Variants in KCNH5 observed in about 807,000 individuals in gnomAD.
The protein encoded by KCNH5 is voltage-gated delayed rectifier potassium channel KCNH5.
KCNH5 carries 46 observed loss-of-function variants against 96.1 expected under a neutral mutation model. The observed-to-expected ratio is 0.48, with a 90% confidence interval of 0.38 to 0.61. The LOEUF (loss-of-function observed/expected upper bound fraction) is 0.61, where lower values mean the gene tolerates loss of function less well. KCNH5 is among the 20% of genes least tolerant of loss of function. The pLI is 0.00. For missense variants in KCNH5, 907 were observed against 1,225.8 expected, an observed-to-expected ratio of 0.74 and a Z score of 3.88; for synonymous variants, 439 against 449.8, an observed-to-expected ratio of 0.98 and a Z score of 0.30.
intron 7 of KCNH5, among the ~76,000 whole-genome samples, chr14:62,895,813 A>G (rs556579612): frequency 1.3e-5 from 2 of 152,326 alleles, no homozygotes; most frequent in African/African-American, 4.8e-5. Context: ...CATATTTTGT[A>G]AAGGTTCATC....
At chr14:62,717,400 C>T (rs1017990695) in intron 10 of KCNH5, among the ~76,000 whole-genome samples, 9 of 152,098 alleles carry the variant, frequency 5.9e-5, no homozygotes, top group Admixed American at 6.6e-5. Context: ...AACAAAACTA[C>T]AGTAATTAAA....
In KCNH5 at chr14:63,030,384, C is replaced by G. The variant is rs969787847; in HGVS notation, c.74-13430G>C. Among the ~76,000 whole-genome samples, 3 of 152,198 alleles carry G rather than the reference C, an allele frequency of 2.0e-5. No homozygotes were observed. In the East Asian group the frequency reaches 5.8e-4, roughly 29 times the overall value. ...ACAAGGGGCTAAGACTTGAAAACAACTCATTATATTCATTCAAGACTATGC... is the reference window on the plus strand; with the variant it reads ...ACAAGGGGCTAAGACTTGAAAACAAGTCATTATATTCATTCAAGACTATGC... On this transcript the variant is annotated intron_variant, in intron 1 of 10. Coordinates refer to ENST00000322893, the MANE Select transcript of KCNH5 (RefSeq NM_139318.5).
chr14:62,760,478 C>A (rs1885724165), intron 10 of KCNH5, among the ~76,000 whole-genome samples: 1 of 152,170 alleles, frequency 6.6e-6, no homozygotes, highest in South Asian at 2.1e-4. Flanking sequence ...GCAATTTTAG[C>A]TTTTACTTGC....
intron 8 of KCNH5, among the ~76,000 whole-genome samples, chr14:62,835,555 T>G (rs1887448092): frequency 6.6e-6 from 1 of 152,040 alleles, no homozygotes; most frequent in African/African-American, 2.4e-5. Flanking sequence ...TGTAATATCA[T>G]AGCCTTTTAA....
intron 8 of KCNH5, among the ~76,000 whole-genome samples, chr14:62,825,277 C>T (rs902362975): frequency 2.0e-5 from 3 of 152,060 alleles, no homozygotes; most frequent in Non-Finnish European, 4.4e-5. Context: ...TCCTGTTCTA[C>T]GAAGCCTTGC....
At chr14:62,718,563 A>G (rs1595592446) in intron 10 of KCNH5, among the ~76,000 whole-genome samples, 1 of 152,162 alleles carries the variant, frequency 6.6e-6, no homozygotes, top group East Asian at 1.9e-4. Flanking sequence ...GAAAATAACA[A>G]GTGTCGGAAG....
chr14:62,814,379 C>T (rs927055031), intron 8 of KCNH5, among the ~76,000 whole-genome samples: 1 of 152,142 alleles, frequency 6.6e-6, no homozygotes, highest in South Asian at 2.1e-4. Flanking sequence ...CGTGTCTTTA[C>T]TGTCTTACAG....
intron 4 of KCNH5, 49 bp downstream of exon 4, chr14:63,001,282 T>G: frequency 6.5e-7 from 1 of 1,527,106 alleles, no homozygotes; most frequent in Non-Finnish European, 8.8e-7. Context: ...TAAGAAGATC[T>G]TTTAGCAACA....
chr14:62,868,621 G>C (rs971823366), intron 7 of KCNH5, among the ~76,000 whole-genome samples: 1 of 152,028 alleles, frequency 6.6e-6, no homozygotes, highest in African/African-American at 2.4e-5. Context: ...TGTTACACAG[G>C]TATACACGTG....
At chr14:62,916,016 G>A (rs1361539132) in intron 7 of KCNH5, among the ~76,000 whole-genome samples, 1 of 149,390 alleles carries the variant, frequency 6.7e-6, no homozygotes, top group African/African-American at 2.5e-5. Flanking sequence ...GTGCAGTGGA[G>A]ATCTTGGCTC....
chr14:62,854,047 T>G (rs1274198525), intron 7 of KCNH5, among the ~76,000 whole-genome samples: 1 of 151,082 alleles, frequency 6.6e-6, no homozygotes, highest in Non-Finnish European at 1.5e-5. Flanking sequence ...CAACCCTCAT[T>G]CATCACTGAG....
chr14:62,940,852 A>T (rs975651267), intron 7 of KCNH5, among the ~76,000 whole-genome samples: 1 of 152,194 alleles, frequency 6.6e-6, no homozygotes, highest in Non-Finnish European at 1.5e-5. Flanking sequence ...ACAACCATCA[A>T]GTAGGAGATA....
intron 6 of KCNH5, among the ~76,000 whole-genome samples, chr14:62,955,917 G>A (rs2140134639): frequency 6.6e-6 from 1 of 152,292 alleles, no homozygotes; most frequent in East Asian, 1.9e-4. Context: ...CAGTTAGCAA[G>A]GAACAGAAGT....
intron 7 of KCNH5, among the ~76,000 whole-genome samples, chr14:62,876,877 A>C (rs1189780325): frequency 6.6e-6 from 1 of 152,248 alleles, no homozygotes; most frequent in Admixed American, 6.5e-5. Flanking sequence ...CACATAAAAC[A>C]AAAAGAATAC....
chr14:62,946,196 T>C (rs1889883544), intron 7 of KCNH5, among the ~76,000 whole-genome samples: 1 of 152,114 alleles, frequency 6.6e-6, no homozygotes, highest in Admixed American at 6.6e-5. Flanking sequence ...CTACAGGCCA[T>C]GTTATTAATA....
At chr14:62,790,695 C>T (rs1273808908) in intron 9 of KCNH5, among the ~76,000 whole-genome samples, 1 of 150,702 alleles carries the variant, frequency 6.6e-6, no homozygotes, top group Non-Finnish European at 1.5e-5. Flanking sequence ...AGATATTTTA[C>T]CTTTTTGGTT....
chr14:62,869,918 C>T (rs1017243261), intron 7 of KCNH5, among the ~76,000 whole-genome samples: 1 of 152,142 alleles, frequency 6.6e-6, no homozygotes, highest in African/African-American at 2.4e-5. Flanking sequence ...AACTGGGCCC[C>T]TTCCTTACAT....
chr14:63,017,409 T>C (rs528053433), intron 1 of KCNH5, among the ~76,000 whole-genome samples: 2 of 152,050 alleles, frequency 1.3e-5, no homozygotes, highest in African/African-American at 2.4e-5. Flanking sequence ...GCTGACATGA[T>C]GGAACAATTT....
chr14:62,910,691 CCTCT>C (rs1178243289), intron 7 of KCNH5, among the ~76,000 whole-genome samples: 1 of 151,960 alleles, frequency 6.6e-6, no homozygotes, highest in Non-Finnish European at 1.5e-5. Flanking sequence ...AATGTTTCTC[CCTCT>C]CTCTCACGAC....
Sources: allele counts gnomAD v4.1 joint callset (sites outside exome capture counted in the v4.1 genomes callset), GRCh38; gene constraint gnomAD v4.1.1; transcripts MANE v1.5; gene names NCBI Gene and HGNC (gene_info 2026-07-23, HGNC 2026-07-21).